The following NBPF11 variants were observed in gnomAD, a reference collection of about 807,000 sequenced individuals.
NBPF11 encodes the protein NBPF member 11, also known as NBPF family member NBPF11.
A neutral mutation model predicts 93.9 loss-of-function variants in NBPF11; 72 were observed. The ratio of observed to expected loss-of-function variants is 0.77; its 90% CI spans 0.63 to 0.93. The LOEUF (loss-of-function observed/expected upper bound fraction) is 0.93, where lower values mean the gene tolerates loss of function less well. Ranked by LOEUF, NBPF11 falls within the 40% of genes least tolerant of loss-of-function variation. NBPF11 has a pLI of 0.00. For missense variants in NBPF11, 705 were observed against 802.2 expected, an observed-to-expected ratio of 0.88 and a Z score of 1.46; for synonymous variants, 224 against 304.9, an observed-to-expected ratio of 0.73 and a Z score of 2.76.
intron 1 of NBPF11, among the ~76,000 whole-genome samples, chr1:148,148,189 G>A (rs1389803777): frequency 0.015 from 2,297 of 152,278 alleles, 14 homozygotes; most frequent in African/African-American, 0.053. Flanking sequence ...GGTGAGTGGC[G>A]AGCTGTGGAG....
chr1:148,113,194 G>C (rs1665720681), intron 15 of NBPF11, among the ~76,000 whole-genome samples: 1 of 152,070 alleles, frequency 6.6e-6, no homozygotes, highest in East Asian at 1.9e-4. Flanking sequence ...AAAGAGTCAA[G>C]ACCCATCAGT....
At chr1:148,132,144 G>GTGTGTGTATA (rs1392331503) in intron 4 of NBPF11, among the ~76,000 whole-genome samples, 17 of 137,482 alleles carry the variant, frequency 1.2e-4, no homozygotes, top group African/African-American at 3.3e-4. Flanking sequence ...GTGTGTGTGT[G>GTGTGTGTATA]TATATATATA....
At position 148,122,106 on chromosome 1, in the gene NBPF11, C is replaced by T; in HGVS notation, c.727G>A (p.Asp243Asn). 2 of 1,612,988 alleles carry T rather than the reference C, an allele frequency of 1.2e-6. No individual in the cohort carries two copies. Among genetic ancestry groups the T allele is most frequent in the Non-Finnish European group, 1.7e-6 (2 of 1,179,118 alleles). The change falls in exon 9 of 24, where the codon GAC (aspartate) becomes AAC (asparagine). Residue 243 changes from aspartate to asparagine, a missense_variant. Transcript: ENST00000682118. ...EDKVNSSLVV[D>N]RESSHDGCQD... Reference sequence around the variant, plus strand: ...CATCCATCATGAGAGGATTCTCTGTCTACAACCAGAGATGAGTTGACTTTG... The same window carrying T: ...CATCCATCATGAGAGGATTCTCTGTTTACAACCAGAGATGAGTTGACTTTG...
chr1:148,129,098 ATATATAATATATATACACGTGTATATG>A (rs1669757504), intron 4 of NBPF11, among the ~76,000 whole-genome samples: 2 of 115,226 alleles, frequency 1.7e-5, no homozygotes, highest in African/African-American at 6.4e-5. Context: ...GTGTATATAT[ATATATAATATATATACACGTGTATATG>A]TATTATTTAT....
In NBPF11 at chr1:148,110,409, T is replaced by C. The variant is rs1664968654; in HGVS notation, c.1770A>G (p.Glu590=). Residue 590 remains glutamate (E), a synonymous_variant, in exon 16 of 24, where the codon GAA becomes GAG. Transcript: ENST00000682118. ...SYSSTFHSLE[E]QQVCMAVDIG... ...TGTCAACAGCCATGCAGACTTGCTG[T>C]TCCTCTAATGAGTGAAATGTGCTGC... The C allele has an allele frequency of 6.3e-7, 1 of 1,593,714 alleles. No individual in the cohort carries two copies. Among genetic ancestry groups the C allele is most frequent in the Non-Finnish European group, 8.6e-7 (1 of 1,165,240 alleles).
chr1:148,126,115 C>T (rs1202761130), intron 5 of NBPF11, among the ~76,000 whole-genome samples: 47 of 151,948 alleles, frequency 3.1e-4, no homozygotes, highest in Non-Finnish European at 1.9e-4. Context: ...ATTCTCCTGC[C>T]TCAGCCTCCC....
At chr1:148,123,617 C>T (rs1168857515) in intron 7 of NBPF11, among the ~76,000 whole-genome samples, 1 of 151,816 alleles carries the variant, frequency 6.6e-6, no homozygotes, top group Non-Finnish European at 1.5e-5. Context: ...TAGATGCTGC[C>T]TCTTGCTCCA....
Position 148,108,644 on chromosome 1 carries a change from C to A in NBPF11, c.1864G>T (p.Glu622Ter). Residue 622 changes from glutamate (E) to a stop codon, truncating the protein, a stop_gained, in exon 18 of 24, where the codon GAG becomes TAG. Coordinates refer to ENST00000682118, the MANE Select transcript of NBPF11 (RefSeq NM_001385469.3). LOFTEE classifies it high-confidence loss of function. ...QEATGPRLSR[E>*]LLDEKEPEVL... ...TCAGGCTCTTTCTCATCCAGCAGCTCCCTGCTGAGCCTGGAAAAGTGGGAA... is the reference window on the plus strand; with the variant it reads ...TCAGGCTCTTTCTCATCCAGCAGCTACCTGCTGAGCCTGGAAAAGTGGGAA... 1.8e-6 allele frequency: 2 copies of A among 1,119,658 alleles called. No homozygotes were observed. Among genetic ancestry groups the A allele is most frequent in the Non-Finnish European group, 2.7e-6 (2 of 733,058 alleles). The allele number at this position is 1,119,658 out of a possible 1,614,324, so 69.4% of individuals were successfully genotyped here. A position where few individuals can be genotyped will look rare whatever the true frequency, so the allele number is the denominator to read the frequency against.
At chr1:148,111,333 G>A (rs1489282389) in intron 15 of NBPF11, among the ~76,000 whole-genome samples, 1 of 151,982 alleles carries the variant, frequency 6.6e-6, no homozygotes, top group Non-Finnish European at 1.5e-5. Flanking sequence ...CCAAAAACCT[G>A]ACATCCCTTC....
chr1:148,125,674 G>T (rs1668948669), intron 5 of NBPF11, among the ~76,000 whole-genome samples: 2 of 152,042 alleles, frequency 1.3e-5, no homozygotes, highest in Non-Finnish European at 2.9e-5. Flanking sequence ...AGAACTAATA[G>T]ATAGTGTTTA....
At position 148,122,781 on chromosome 1, in the gene NBPF11, C is replaced by T. The variant is rs2149238347; in HGVS notation, c.514G>A (p.Glu172Lys). Residue 172 changes from glutamate to lysine, a missense_variant, in exon 8 of 24, where the codon GAA becomes AAA. Physicochemically the swap from Glu to Lys is moderately conservative, Grantham distance 56. This residue lies in a region of NBPF11 where 262 missense variants were observed against 223.1 expected (regional missense o/e 1.17). Coordinates refer to ENST00000682118, the MANE Select transcript of NBPF11 (RefSeq NM_001385469.3). ...TCATCCTCCTCAACTTGAACATCTT[C>T]ATCCTCATCTTCGTCATTTTCTATA... The part of the protein sequence containing the change: ...LSPENDEDED[E>K]DVQVEEDEKV... 6.2e-7 allele frequency: 1 copy of T among 1,610,086 alleles called. No individual in the cohort carries two copies. Among genetic ancestry groups the T allele is most frequent in the Non-Finnish European group, 8.5e-7 (1 of 1,177,764 alleles).
intron 1 of NBPF11, chr1:148,149,246 T>A: frequency 6.3e-7 from 1 of 1,592,170 alleles, no homozygotes; most frequent in Non-Finnish European, 8.5e-7. Context: ...GCGCTACGAG[T>A]GTGCCGCGGT....
At chr1:148,132,286 GAATC>G (rs1553274656) in intron 4 of NBPF11, among the ~76,000 whole-genome samples, 2 of 145,812 alleles carry the variant, frequency 1.4e-5, no homozygotes, top group Non-Finnish European at 3.0e-5. Flanking sequence ...TATGTCCTAA[GAATC>G]AATTAGACAT....
intron 2 of NBPF11, among the ~76,000 whole-genome samples, chr1:148,142,292 C>T (rs2149293987): frequency 6.6e-6 from 1 of 152,102 alleles, no homozygotes; most frequent in South Asian, 2.1e-4. Flanking sequence ...AGACGCACTA[C>T]TGTAAAACTA....
At chr1:148,106,630 G>T (rs1317401446) in intron 20 of NBPF11, among the ~76,000 whole-genome samples, 1 of 143,736 alleles carries the variant, frequency 7.0e-6, no homozygotes, top group Non-Finnish European at 1.5e-5. Flanking sequence ...AATGAAGGAG[G>T]AAATCTACAA....
At chr1:148,148,361 G>A (rs1301079741) in intron 1 of NBPF11, among the ~76,000 whole-genome samples, 2 of 152,322 alleles carry the variant, frequency 1.3e-5, no homozygotes, top group African/African-American at 2.4e-5. Context: ...GAGTTGTGGG[G>A]TCCCGGCATG....
intron 4 of NBPF11, among the ~76,000 whole-genome samples, chr1:148,128,771 A>G (rs1339460846): frequency 6.6e-6 from 1 of 151,094 alleles, no homozygotes; most frequent in African/African-American, 2.5e-5. Flanking sequence ...GTTAATTTCA[A>G]TATATGATGG....
chr1:148,143,246 G>T (rs1242864972), intron 2 of NBPF11, among the ~76,000 whole-genome samples, 169 bp downstream of exon 2: 2 of 152,086 alleles, frequency 1.3e-5, no homozygotes, highest in South Asian at 2.1e-4. Context: ...GGCGGCACAC[G>T]CTGTGAATAT....
chr1:148,112,310 C>G, intron 15 of NBPF11, among the ~76,000 whole-genome samples: 2 of 98,996 alleles, frequency 2.0e-5, no homozygotes, highest in South Asian at 8.2e-4. Flanking sequence ...TCCCTCCCCC[C>G]ACCCTACAAC....
Sources: allele counts gnomAD v4.1 joint callset (sites outside exome capture counted in the v4.1 genomes callset), GRCh38; gene constraint gnomAD v4.1.1; regional missense constraint gnomAD v4.1.1; transcripts MANE v1.5; gene names NCBI Gene and HGNC (gene_info 2026-07-23, HGNC 2026-07-21).